Variants in MOV10 observed in about 807,000 individuals in gnomAD.
MOV10 encodes Mov10 RNA helicase, also known as RNA helicase MOV-10.
A neutral mutation model predicts 108.4 loss-of-function variants in MOV10; 39 were observed. That is an observed-to-expected ratio of 0.36 (90% CI 0.28 to 0.47). The LOEUF (loss-of-function observed/expected upper bound fraction) is 0.47, where lower values mean the gene tolerates loss of function less well. Ranked by LOEUF, MOV10 falls within the 20% of genes least tolerant of loss-of-function variation. The pLI is 1.00. For synonymous variants in MOV10, 490 were observed against 523.1 expected, an observed-to-expected ratio of 0.94 and a Z score of 0.86; for missense variants, 952 against 1,297.6, an observed-to-expected ratio of 0.73 and a Z score of 4.09.
chr1:112,699,877 C>A lies in MOV10; in HGVS notation c.2710-17C>A, dbSNP rs148550433. On this transcript the variant is annotated splice_polypyrimidine_tract_variant and intron_variant, in intron 18 of 20. Coordinates refer to ENST00000369645, the MANE Select transcript of MOV10 (RefSeq NM_001321324.2). ...GGGGCTCTTCCCTCCCATGACCACA[C>A]CACTTCTTCCTTCCAGAGGTTCAAT... The A allele has an allele frequency of 1.2e-6, 2 of 1,614,122 alleles. No individual in the cohort carries two copies. The highest frequency in any genetic ancestry group is 2.2e-5 in the South Asian group (2 of 91,086).
chr1:112,674,865 A>G lies in MOV10; in HGVS notation c.-48A>G. On this transcript the variant is annotated 5_prime_UTR_variant, in exon 2 of 21. Transcript: ENST00000369645. ...ACTTCCAGCTGCAGCGGCGACTTTCAGTTTCATTTCCACGGACCCTCCTGC... is the reference window on the plus strand; with the variant it reads ...ACTTCCAGCTGCAGCGGCGACTTTCGGTTTCATTTCCACGGACCCTCCTGC... 1.3e-6 allele frequency: 2 copies of G among 1,511,442 alleles called. No homozygotes were observed. The highest frequency in any genetic ancestry group is 8.8e-7 in the Non-Finnish European group (1 of 1,133,636). 93.6% of individuals were successfully genotyped at this position (1,511,442 alleles called of 1,614,324 possible). A position where few individuals can be genotyped will look rare whatever the true frequency, so the allele number is the denominator to read the frequency against.
In MOV10 at chr1:112,698,728, G is replaced by A. The variant is rs116009972; in HGVS notation, c.2522G>A (p.Arg841His). Reference sequence around the variant, plus strand: ...CCCTCCTTCCAGGTGGAGAAAATCCGTTACTGCATCACCAAACTTGACAGG... The same window carrying A: ...CCCTCCTTCCAGGTGGAGAAAATCCATTACTGCATCACCAAACTTGACAGG... ...SPYRKQVEKI[R>H]YCITKLDREL... Residue 841 changes from arginine (R) to histidine (H), a missense_variant, in exon 17 of 21, where the codon CGT becomes CAT. Coordinates refer to ENST00000369645, the MANE Select transcript of MOV10 (RefSeq NM_001321324.2). 29 of 1,614,118 alleles carry A rather than the reference G, an allele frequency of 1.8e-5. No individual in the cohort carries two copies. Among genetic ancestry groups the A allele is most frequent in the Middle Eastern group, 1.6e-4 (1 of 6,062 alleles).
rs781346900 is a variant in MOV10 at position 112,699,923 on chromosome 1, G to A, written c.2739G>A (p.Lys913=). The A allele has an allele frequency of 3.7e-6, 6 of 1,614,042 alleles. No homozygotes were observed. The highest frequency in any genetic ancestry group is 1.1e-5 in the South Asian group (1 of 91,078). Residue 913 remains lysine (K), a synonymous_variant, in exon 19 of 21, where the codon AAG becomes AAA. Coordinates refer to ENST00000369645, the MANE Select transcript of MOV10 (RefSeq NM_001321324.2). The part of the protein sequence containing the change: ...KRFNVAVTRA[K]ALLIIVGNPL... Reference sequence around the variant, plus strand: ...TCAATGTAGCTGTGACCCGGGCCAAGGCCCTGCTCATCATCGTGGGGAACC... The same window carrying A: ...TCAATGTAGCTGTGACCCGGGCCAAAGCCCTGCTCATCATCGTGGGGAACC...
Position 112,692,944 on chromosome 1 carries a change from T to A in MOV10, c.1140+15T>A. 1.3e-6 allele frequency: 2 copies of A among 1,599,630 alleles called. No individual in the cohort carries two copies. The highest frequency in any genetic ancestry group is 1.7e-6 in the Non-Finnish European group (2 of 1,173,690). On this transcript the variant is annotated intron_variant, in intron 7 of 20. Coordinates refer to ENST00000369645, the MANE Select transcript of MOV10 (RefSeq NM_001321324.2). Reference sequence around the variant, plus strand: ...TCACGCTGGAGGTCAGGGCTCAGATTGAGTGTGAGGAGGGTGGGCTCAAGC... The same window carrying A: ...TCACGCTGGAGGTCAGGGCTCAGATAGAGTGTGAGGAGGGTGGGCTCAAGC...
chr1:112,699,442 T>C, intron 17 of MOV10: 1 of 1,365,704 alleles, frequency 7.3e-7, no homozygotes, highest in Non-Finnish European at 9.4e-7. Context: ...TTTGCAATGC[T>C]GTTTTCTTTC....
At position 112,680,830 on chromosome 1, in the gene MOV10, G is replaced by A. The variant is rs1238349150; in HGVS notation, c.137+5781G>A. Among the ~76,000 whole-genome samples the A allele has an allele frequency of 3.3e-5, 5 of 149,764 alleles. 1 individual carries two copies. Among genetic ancestry groups the A allele is most frequent in the African/African-American group, 1.2e-4 (5 of 40,730 alleles). ...CAATTCTCCTGCCTCAGCCTCCCAC[G>A]TAGGTGGGATTACAGGCGTGAACCA... On this transcript the variant is annotated intron_variant, in intron 2 of 20. Coordinates refer to ENST00000369645, the MANE Select transcript of MOV10 (RefSeq NM_001321324.2).
intron 12 of MOV10, 32 bp downstream of exon 12, chr1:112,696,283 C>A: frequency 6.6e-7 from 1 of 1,524,520 alleles, no homozygotes; most frequent in Non-Finnish European, 9.1e-7. Context: ...GTCTCTGAAT[C>A]GTAAGTGTAA....
intron 16 of MOV10, 58 bp downstream of exon 16, chr1:112,698,536 A>G (rs946038855): frequency 1.9e-6 from 3 of 1,559,194 alleles, no homozygotes; most frequent in Non-Finnish European, 2.6e-6. Context: ...TACCTCCTTA[A>G]TATCCAGACC....
Position 112,690,065 on chromosome 1 carries a change from C to T in MOV10, c.803C>T (p.Thr268Ile). The T allele has an allele frequency of 6.2e-7, 1 of 1,613,994 alleles. No homozygotes were observed. The highest frequency in any genetic ancestry group is 1.7e-5 in the Admixed American group (1 of 60,032). Residue 268 changes from threonine (T) to isoleucine (I), a missense_variant, in exon 5 of 21, where the codon ACC becomes ATC. Physicochemically the swap from Thr to Ile is moderately conservative, Grantham distance 89. Transcript: ENST00000369645. ...CGGATCACCGGAAACCCTGTGGTGACCAATCGGATAGAGGAAGGAGAGAGA... is the reference window on the plus strand; with the variant it reads ...CGGATCACCGGAAACCCTGTGGTGATCAATCGGATAGAGGAAGGAGAGAGA... ...RTRITGNPVV[T>I]NRIEEGERPD... is the part of the protein sequence containing the mutation.
chr1:112,689,150 T>TG lies in MOV10; in HGVS notation c.341+12_341+13insG. 6.3e-7 allele frequency: 1 copy of TG among 1,581,232 alleles called. No individual in the cohort carries two copies. On this transcript the variant is annotated intron_variant, in intron 3 of 20. Transcript: ENST00000369645. ...ATCTTTTATGACAGGTGTGTGTGTG[T>TG]TGTATGTTGTGTGTACGGGGAGGTC...
At chr1:112,699,492 A>G in intron 17 of MOV10, 193 bp from the exon 18 acceptor site, 1 of 1,433,042 alleles carries the variant, frequency 7.0e-7, no homozygotes. Flanking sequence ...AGCAGGATTC[A>G]ACCTTCATGT....
Position 112,692,881 on chromosome 1 carries a change from C to T in MOV10, c.1092C>T (p.Pro364=), listed in dbSNP as rs1673709163. The T allele has an allele frequency of 1.9e-6, 3 of 1,613,374 alleles. No homozygotes were observed. Among genetic ancestry groups the T allele is most frequent in the Non-Finnish European group, 2.5e-6 (3 of 1,179,728 alleles). ...GGCACTATGACCTGGAGTCGGTGCC[C>T]ATGACCTGGGACCCTGTGGACCAGA... ...DIRHYDLESV[P]MTWDPVDQNP... The change falls in exon 7 of 21, where the codon CCC becomes CCT. Residue 364 remains proline, a synonymous_variant. Coordinates refer to ENST00000369645, the MANE Select transcript of MOV10 (RefSeq NM_001321324.2).
intron 10 of MOV10, 135 bp from the exon 11 acceptor site, chr1:112,695,281 T>C (rs1319750632): frequency 2.3e-6 from 2 of 854,524 alleles, no homozygotes; most frequent in Non-Finnish European, 3.6e-6. Context: ...TGGAGCACTG[T>C]TGTACGGGTA....
rs756856006 is a variant in MOV10 at position 112,699,829 on chromosome 1, G to A, written c.2709+19G>A. 5.6e-6 allele frequency: 9 copies of A among 1,614,130 alleles called. No individual in the cohort carries two copies. The South Asian group carries it at 8.8e-5, about 16-fold the overall frequency. ...CCCCAAGGTTTGAGGGCTGGTCGGG[G>A]TGGCAGGAATTCTTCCATTCTCGGG... On this transcript the variant is annotated intron_variant, in intron 18 of 20. Coordinates refer to ENST00000369645, the MANE Select transcript of MOV10 (RefSeq NM_001321324.2).
chr1:112,675,898 T>G lies in MOV10; in HGVS notation c.137+849T>G, dbSNP rs998181784. Among the ~76,000 whole-genome samples, 45 of 152,306 alleles carry G rather than the reference T, an allele frequency of 3.0e-4. No individual in the cohort carries two copies. Among genetic ancestry groups the G allele is most frequent in the African/African-American group, 9.6e-4 (40 of 41,572 alleles). On this transcript the variant is annotated intron_variant, in intron 2 of 20. Transcript: ENST00000369645. The surrounding 1 kb of genome is among the most constrained non-coding windows in gnomAD (Gnocchi z 4.7). ...ACATAAGGTAGTGGGAATCTGGGCT[T>G]AATAACAGACCTCCCGAAAAAGACC...
At chr1:112,692,391 G>A (rs904366696) in intron 6 of MOV10, among the ~76,000 whole-genome samples, 2 of 152,224 alleles carry the variant, frequency 1.3e-5, no homozygotes, top group Non-Finnish European at 2.9e-5. Context: ...GAATGGGTTG[G>A]TGCTGCTTTG....
chr1:112,700,726 T>G lies in MOV10; in HGVS notation c.*219T>G. The G allele has an allele frequency of 6.6e-7, 1 of 1,510,914 alleles. No homozygotes were observed. Among genetic ancestry groups the G allele is most frequent in the Non-Finnish European group, 8.8e-7 (1 of 1,136,006 alleles). 93.6% of individuals were successfully genotyped at this position (1,510,914 alleles called of 1,614,324 possible). A position where few individuals can be genotyped will look rare whatever the true frequency, so the allele number is the denominator to read the frequency against. ...GAAGAAAACTCTGAAAACAAAATCT[T>G]GTTCTATGCAAAAGCCTTGATAATG... On this transcript the variant is annotated 3_prime_UTR_variant, in exon 21 of 21. Coordinates refer to ENST00000369645, the MANE Select transcript of MOV10 (RefSeq NM_001321324.2).
At chr1:112,692,280 G>C (rs1391373390) in intron 6 of MOV10, among the ~76,000 whole-genome samples, 1 of 152,200 alleles carries the variant, frequency 6.6e-6, no homozygotes, top group Non-Finnish European at 1.5e-5. Flanking sequence ...CACAGTGAGT[G>C]AGCCCAGATC....
At chr1:112,698,661 C>T (rs1242296715) in intron 16 of MOV10, 54 bp from the exon 17 acceptor site, 1 of 1,569,098 alleles carries the variant, frequency 6.4e-7, no homozygotes. Context: ...TGCCAGGCTC[C>T]CTCTTGCATT....
Sources: allele counts gnomAD v4.1 joint callset (sites outside exome capture counted in the v4.1 genomes callset), GRCh38; gene constraint gnomAD v4.1.1; non-coding constraint Gnocchi (gnomAD v3.1); transcripts MANE v1.5; gene names NCBI Gene and HGNC (gene_info 2026-07-23, HGNC 2026-07-21).